CDK14: variants seen among roughly 807,000 people sequenced by gnomAD.
The protein encoded by CDK14 is cyclin-dependent kinase 14.
In CDK14, 34 loss-of-function variants were observed where a neutral mutation model predicts 60.7. That is an observed-to-expected ratio of 0.56 (90% confidence interval 0.43 to 0.75). The LOEUF (loss-of-function observed/expected upper bound fraction) is 0.75. CDK14 is among the 30% of genes least tolerant of loss of function. CDK14 has a pLI of 0.00. For missense variants in CDK14, 482 were observed against 564.1 expected (o/e 0.85, Z 1.47); for synonymous variants, 197 against 203.7 (o/e 0.97, Z 0.28).
intron 12 of CDK14, among the ~76,000 whole-genome samples, chr7:91,092,289 C>A (rs1798854374): frequency 6.6e-6 from 1 of 152,140 alleles, no homozygotes. Flanking sequence ...CACCATCAAA[C>A]CACACTTTGG....
chr7:91,136,682 TA>T, intron 14 of CDK14, among the ~76,000 whole-genome samples: 1 of 152,336 alleles, frequency 6.6e-6, no homozygotes, highest in African/African-American at 2.4e-5. Context: ...ATAGAGCAAC[TA>T]ATTCAGCTTG....
At chr7:91,035,543 G>A (rs942921590) in intron 10 of CDK14, among the ~76,000 whole-genome samples, 2 of 151,782 alleles carry the variant, frequency 1.3e-5, no homozygotes, top group African/African-American at 4.8e-5. Context: ...TTTCCAGTCA[G>A]CCCAATGGGA....
intron 8 of CDK14, among the ~76,000 whole-genome samples, chr7:90,940,267 A>G (rs1040789977): frequency 2.6e-5 from 4 of 152,130 alleles, no homozygotes; most frequent in South Asian, 2.1e-4. Flanking sequence ...CATTTTTTAC[A>G]TAAATAATAC....
intron 10 of CDK14, among the ~76,000 whole-genome samples, chr7:91,019,848 G>A (rs181421590): frequency 7.9e-4 from 121 of 152,268 alleles, no homozygotes; most frequent in African/African-American, 2.8e-3. Context: ...GCCTCTGGCA[G>A]AACAGAAATC....
chr7:90,967,742 CA>C (rs1477437798), intron 9 of CDK14, among the ~76,000 whole-genome samples: 1 of 151,170 alleles, frequency 6.6e-6, no homozygotes, highest in East Asian at 1.9e-4. Context: ...TGTATGAATC[CA>C]AAAAAAAGCT....
intron 14 of CDK14, among the ~76,000 whole-genome samples, chr7:91,206,365 A>G (rs1802897969): frequency 1.3e-5 from 2 of 152,162 alleles, no homozygotes; most frequent in South Asian, 4.1e-4. Context: ...CAGCTTCTAA[A>G]CTTAGCTAAG....
intron 14 of CDK14, among the ~76,000 whole-genome samples, chr7:91,123,930 G>T (rs1799860672): frequency 6.6e-6 from 1 of 151,724 alleles, no homozygotes; most frequent in Non-Finnish European, 1.5e-5. Flanking sequence ...TTTGTTATTT[G>T]TTTTTTTTAA....
intron 3 of CDK14, among the ~76,000 whole-genome samples, chr7:90,729,358 TTTTTTTTTTTTTTC>T (rs1290012221): frequency 2.3e-5 from 3 of 132,514 alleles, no homozygotes; most frequent in Non-Finnish European, 4.7e-5. Flanking sequence ...TTTTTTTTTT[TTTTTTTTTTTTTTC>T]CCCACTCATC....
At chr7:90,985,802 C>T (rs1288846832) in intron 10 of CDK14, among the ~76,000 whole-genome samples, 1 of 152,086 alleles carries the variant, frequency 6.6e-6, no homozygotes, top group Non-Finnish European at 1.5e-5. Context: ...ACATAGAAAC[C>T]ATCCTCAAAG....
chr7:90,861,755 G>A (rs1443110393), intron 5 of CDK14, among the ~76,000 whole-genome samples: 1 of 152,068 alleles, frequency 6.6e-6, no homozygotes, highest in Non-Finnish European at 1.5e-5. Context: ...AAAGTACATA[G>A]AAGAGGGCAA....
intron 8 of CDK14, among the ~76,000 whole-genome samples, chr7:90,953,389 G>C (rs1794318289): frequency 6.6e-6 from 1 of 152,158 alleles, no homozygotes; most frequent in Admixed American, 6.6e-5. Context: ...TGGCTCATCT[G>C]AATAAAATTG....
At chr7:90,921,359 G>C (rs1004225690) in intron 8 of CDK14, among the ~76,000 whole-genome samples, 8 of 151,866 alleles carry the variant, frequency 5.3e-5, no homozygotes, top group African/African-American at 1.5e-4. Flanking sequence ...CTCTTCAAAG[G>C]GGCCCCCTTT....
chr7:90,976,755 A>G (rs1795085137), intron 9 of CDK14, among the ~76,000 whole-genome samples: 1 of 152,114 alleles, frequency 6.6e-6, no homozygotes, highest in African/African-American at 2.4e-5. Context: ...CTATTGTCAT[A>G]CAAGTAGTTT....
At chr7:90,965,729 C>T (rs1452209306) in intron 9 of CDK14, among the ~76,000 whole-genome samples, 1 of 152,130 alleles carries the variant, frequency 6.6e-6, no homozygotes, top group East Asian at 1.9e-4. Flanking sequence ...TTTGAAAACG[C>T]CTTTATTCTA....
At chr7:90,811,253 T>A (rs960720578) in intron 5 of CDK14, among the ~76,000 whole-genome samples, 1 of 152,108 alleles carries the variant, frequency 6.6e-6, no homozygotes, top group Non-Finnish European at 1.5e-5. Context: ...AGCATGGTAC[T>A]GGTACCAAAA....
At chr7:90,664,345 T>C (rs1209427599) in intron 2 of CDK14, among the ~76,000 whole-genome samples, 1 of 152,190 alleles carries the variant, frequency 6.6e-6, no homozygotes, top group African/African-American at 2.4e-5. Flanking sequence ...TTGGTGGGAC[T>C]GTAAACTAGT....
intron 6 of CDK14, 148 bp downstream of exon 6, chr7:90,863,417 G>A (rs1791071042): frequency 2.0e-6 from 1 of 493,540 alleles, no homozygotes; most frequent in African/African-American, 2.0e-5. Context: ...ATAAAATAAA[G>A]GCCCTATAAG....
intron 2 of CDK14, among the ~76,000 whole-genome samples, chr7:90,648,287 G>A (rs1197732749): frequency 6.6e-6 from 1 of 152,124 alleles, no homozygotes; most frequent in Non-Finnish European, 1.5e-5. Context: ...GAGGTTCCTT[G>A]CCTCATGGAC....
intron 14 of CDK14, among the ~76,000 whole-genome samples, chr7:91,144,173 A>C (rs1448431562): frequency 6.6e-6 from 1 of 152,200 alleles, no homozygotes; most frequent in African/African-American, 2.4e-5. Context: ...AACACCCTAA[A>C]GGCCCCATTT....
Sources: allele counts gnomAD v4.1 joint callset (sites outside exome capture counted in the v4.1 genomes callset), GRCh38; gene constraint gnomAD v4.1.1; transcripts MANE v1.5; gene names NCBI Gene and HGNC (gene_info 2026-07-23, HGNC 2026-07-21).